The following GIGYF2 variants were observed in gnomAD, a reference collection of about 807,000 sequenced individuals.
The protein encoded by GIGYF2 is GRB10-interacting GYF protein 2.
A neutral mutation model predicts 208.1 loss-of-function variants in GIGYF2; 25 were observed. That is an observed-to-expected ratio of 0.12 (90% CI 0.09 to 0.17). The LOEUF (loss-of-function observed/expected upper bound fraction) is 0.17, where lower values mean the gene tolerates loss of function less well. GIGYF2 is among the 10% of genes least tolerant of loss of function. The pLI is 1.00. For synonymous variants in GIGYF2, 534 were observed against 543.8 expected, an observed-to-expected ratio of 0.98 and a Z score of 0.25; for missense variants, 1,302 against 1,579.4, an observed-to-expected ratio of 0.82 and a Z score of 2.98.
At chr2:232,784,954 A>G (rs1400062787) in intron 8 of GIGYF2, among the ~76,000 whole-genome samples, 1 of 152,020 alleles carries the variant, frequency 6.6e-6, no homozygotes, top group African/African-American at 2.4e-5. Flanking sequence ...CTCTCTCACC[A>G]TGTGACATAC....
In GIGYF2 at chr2:232,794,818, T is replaced by C; in HGVS notation, c.1353T>C (p.Leu451=). ...ATACAGCCTCTCCTCTTCTCATACT[T>C]CCACCTCCTGTTCCCAATCCTAGTC... ...PSDTASPLLI[L]PPPVPNPSPT... is the part of the protein sequence containing the mutation. Residue 451 remains leucine, a synonymous_variant, in exon 13 of 29, where the codon CTT becomes CTC. Transcript: ENST00000373563. The C allele has an allele frequency of 6.2e-7, 1 of 1,613,846 alleles. No individual in the cohort carries two copies. Among genetic ancestry groups the C allele is most frequent in the Non-Finnish European group, 8.5e-7 (1 of 1,179,778 alleles).
At chr2:232,757,983 T>C (rs1334234701) in intron 6 of GIGYF2, among the ~76,000 whole-genome samples, 1 of 152,186 alleles carries the variant, frequency 6.6e-6, no homozygotes, top group Non-Finnish European at 1.5e-5. Context: ...TATTTACATA[T>C]TAATGTTGAA....
At chr2:232,771,158 G>A in intron 8 of GIGYF2, 2 of 1,614,042 alleles carry the variant, frequency 1.2e-6, no homozygotes, top group South Asian at 1.1e-5. Context: ...GCAAAGACAA[G>A]CCAGTGGACA....
intron 18 of GIGYF2, among the ~76,000 whole-genome samples, 180 bp downstream of exon 18, chr2:232,812,671 T>C (rs1224897697): frequency 6.6e-6 from 1 of 152,236 alleles, no homozygotes; most frequent in Non-Finnish European, 1.5e-5. Flanking sequence ...AAATATACTT[T>C]TAAGGATTTG....
chr2:232,735,835 C>T lies in GIGYF2; in HGVS notation c.41+597C>T, dbSNP rs183017904. The T allele has an allele frequency of 3.3e-5, 33 of 985,278 alleles. No homozygotes were observed. In the East Asian group the frequency reaches 1.4e-3, roughly 41 times the overall value. The allele number at this position is 985,278 out of a possible 1,614,324, so 61.0% of individuals were successfully genotyped here. On this transcript the variant is annotated intron_variant, in intron 3 of 28. Transcript: ENST00000373563. ...ATCACATTGTAGTGTGGCTTCCCCC[C>T]CTCCCCTCCTTCCTTTTTCCCCAAA...
At chr2:232,800,589 CT>C (rs756914156) in intron 14 of GIGYF2, among the ~76,000 whole-genome samples, 182 of 61,118 alleles carry the variant, frequency 3.0e-3, no homozygotes, top group Non-Finnish European at 3.3e-3. Flanking sequence ...TTCTTTTTTT[CT>C]TTTTTTTTTT....
intron 8 of GIGYF2, among the ~76,000 whole-genome samples, chr2:232,783,579 A>G (rs1249492336): frequency 1.3e-5 from 2 of 152,188 alleles, no homozygotes; most frequent in African/African-American, 4.8e-5. Flanking sequence ...TTTGAACAAT[A>G]CTTGTTCAGA....
intron 8 of GIGYF2, among the ~76,000 whole-genome samples, chr2:232,772,170 T>C (rs1163740812): frequency 2.0e-5 from 3 of 152,194 alleles, no homozygotes; most frequent in African/African-American, 7.2e-5. Context: ...CACTTCAGCC[T>C]TCCAAAGCGC....
intron 2 of GIGYF2, among the ~76,000 whole-genome samples, chr2:232,732,599 A>G (rs1192711847): frequency 6.6e-6 from 1 of 151,826 alleles, no homozygotes; most frequent in Non-Finnish European, 1.5e-5. Flanking sequence ...AGAAATTAAA[A>G]TGTTAAAAAT....
In GIGYF2 at chr2:232,768,309, A is replaced by G. The variant is rs1699061638; in HGVS notation, c.532+6873A>G. The G allele has an allele frequency of 6.2e-7, 1 of 1,614,174 alleles. No individual in the cohort carries two copies. ...AACCAGAGGAGTTGGAAATTCAGGGACAGTCTTGTCAAAATTCTCCATCTT... is the reference window on the plus strand; with the variant it reads ...AACCAGAGGAGTTGGAAATTCAGGGGCAGTCTTGTCAAAATTCTCCATCTT... On this transcript the variant is annotated intron_variant, in intron 8 of 28. Coordinates refer to ENST00000373563, the MANE Select transcript of GIGYF2 (RefSeq NM_001103146.3).
At chr2:232,805,879 CTATGTCATA>C (rs1475524738) in intron 14 of GIGYF2, among the ~76,000 whole-genome samples, 1 of 152,092 alleles carries the variant, frequency 6.6e-6, no homozygotes, top group African/African-American at 2.4e-5. Context: ...TCCCTACTGT[CTATGTCATA>C]TATCATCAAT....
At chr2:232,855,663 C>G (rs1286489327) in intron 28 of GIGYF2, among the ~76,000 whole-genome samples, 5 of 152,132 alleles carry the variant, frequency 3.3e-5, no homozygotes, top group Admixed American at 6.5e-5. Flanking sequence ...AAGTTTTTGA[C>G]TGGTGGGAAG....
At chr2:232,746,340 T>G (rs1466464306) in intron 3 of GIGYF2, among the ~76,000 whole-genome samples, 1 of 152,194 alleles carries the variant, frequency 6.6e-6, no homozygotes, top group Non-Finnish European at 1.5e-5. Flanking sequence ...ATATTAATAT[T>G]TAATGTGTCA....
intron 2 of GIGYF2, among the ~76,000 whole-genome samples, chr2:232,725,623 A>G (rs533209370): frequency 6.6e-6 from 1 of 152,348 alleles, no homozygotes; most frequent in African/African-American, 2.4e-5. Flanking sequence ...ATTATAATTC[A>G]ACAGATCTTC....
chr2:232,843,103 TTC>T (rs1429047618), intron 23 of GIGYF2: 1 of 151,416 alleles, frequency 6.6e-6, no homozygotes, highest in African/African-American at 2.4e-5. Flanking sequence ...AAAAAATCTA[TTC>T]TGTTTTCTTT....
At chr2:232,772,400 G>A (rs373259065) in intron 8 of GIGYF2, among the ~76,000 whole-genome samples, 11 of 152,162 alleles carry the variant, frequency 7.2e-5, no homozygotes, top group African/African-American at 2.2e-4. Context: ...TTTCTGGATA[G>A]CATTAGCTTT....
At chr2:232,830,236 G>C (rs562759769) in intron 21 of GIGYF2, among the ~76,000 whole-genome samples, 1 of 152,260 alleles carries the variant, frequency 6.6e-6, no homozygotes, top group East Asian at 1.9e-4. Context: ...TCTCACTTCA[G>C]CTTCCTTAGT....
chr2:232,777,737 A>G (rs993609509), intron 8 of GIGYF2, among the ~76,000 whole-genome samples: 4 of 152,016 alleles, frequency 2.6e-5, no homozygotes, highest in Non-Finnish European at 5.9e-5. Context: ...AGGGAAGGTA[A>G]AGTATAAAGA....
At chr2:232,784,551 C>T (rs970698260) in intron 8 of GIGYF2, among the ~76,000 whole-genome samples, 9 of 151,100 alleles carry the variant, frequency 6.0e-5, no homozygotes, top group East Asian at 3.9e-4. Flanking sequence ...CCACCGCGCC[C>T]GGCTAATTTT....
Sources: allele counts gnomAD v4.1 joint callset (sites outside exome capture counted in the v4.1 genomes callset), GRCh38; gene constraint gnomAD v4.1.1; transcripts MANE v1.5; gene names NCBI Gene and HGNC (gene_info 2026-07-23, HGNC 2026-07-21).